Variants in PSD3 observed in about 807,000 individuals in gnomAD.
PSD3 encodes the protein PH and SEC7 domain-containing protein 3.
Under a neutral mutation model 105.5 loss-of-function variants are expected in PSD3, and 49 were observed. The ratio of observed to expected loss-of-function variants is 0.46; its 90% confidence interval spans 0.37 to 0.59. The LOEUF is 0.59. Among genes scored for constraint, PSD3 ranks in the 20% least tolerant of loss-of-function variants. The probability of loss-of-function intolerance (pLI) is 0.00; values close to 1 mark genes in which losing one functional copy is unlikely to be tolerated. For missense variants in PSD3, 1,561 were observed against 1,263.8 expected (o/e 1.24, Z -3.57); for synonymous variants, 557 against 457.8 (o/e 1.22, Z -2.77).
intron 1 of PSD3, among the ~76,000 whole-genome samples, chr8:19,067,136 C>G (rs1248872279): frequency 2.0e-5 from 3 of 152,300 alleles, no homozygotes; most frequent in Admixed American, 6.5e-5. Context: ...AAAAATTGAT[C>G]AGTTTGCGGG....
At chr8:18,571,105 C>T (rs1280883026) in intron 14 of PSD3, among the ~76,000 whole-genome samples, 3 of 152,070 alleles carry the variant, frequency 2.0e-5, no homozygotes, top group African/African-American at 7.2e-5. Flanking sequence ...AGGTGATCTG[C>T]CCACCTCGGC....
intron 4 of PSD3, among the ~76,000 whole-genome samples, chr8:18,834,060 A>T (rs534678642): frequency 6.6e-6 from 1 of 150,874 alleles, no homozygotes; most frequent in Non-Finnish European, 1.5e-5. Flanking sequence ...AGTGAATTAC[A>T]GTTAAATAAA....
chr8:18,764,808 C>T (rs1046712852), intron 9 of PSD3, among the ~76,000 whole-genome samples: 2 of 152,150 alleles, frequency 1.3e-5, no homozygotes, highest in Admixed American at 6.5e-5. Context: ...CAATCTTACC[C>T]TACAACCCCC....
intron 2 of PSD3, among the ~76,000 whole-genome samples, chr8:18,928,450 TA>T (rs1821517618): frequency 6.6e-6 from 1 of 152,220 alleles, no homozygotes; most frequent in African/African-American, 2.4e-5. Context: ...GAGAACAGAC[TA>T]ATGTATTAAA....
At chr8:18,925,790 C>T (rs1223331255) in intron 2 of PSD3, among the ~76,000 whole-genome samples, 8 of 152,156 alleles carry the variant, frequency 5.3e-5, no homozygotes, top group Admixed American at 5.2e-4. Flanking sequence ...TTTAAAAAGC[C>T]ATCCAGCAGA....
chr8:18,709,084 C>A (rs1259943420), intron 9 of PSD3, among the ~76,000 whole-genome samples: 1 of 152,164 alleles, frequency 6.6e-6, no homozygotes, highest in Non-Finnish European at 1.5e-5. Flanking sequence ...CGGTAGCAGG[C>A]TGGAGACTAA....
chr8:19,063,087 TCTAA>T (rs1457199845), intron 1 of PSD3, among the ~76,000 whole-genome samples: 3 of 152,222 alleles, frequency 2.0e-5, no homozygotes, highest in Non-Finnish European at 4.4e-5. Context: ...AGCACTAGTT[TCTAA>T]CTGTTATTTC....
chr8:19,015,261 GCTC>G (rs1175847750), upstream of PSD3, among the ~76,000 whole-genome samples: 1 of 152,180 alleles, frequency 6.6e-6, no homozygotes, highest in East Asian at 1.9e-4. Context: ...GATGTGACAT[GCTC>G]CTCCTTGCTT....
chr8:19,032,908 GT>G (rs928705870), intron 1 of PSD3, among the ~76,000 whole-genome samples: 1 of 152,024 alleles, frequency 6.6e-6, no homozygotes, highest in African/African-American at 2.4e-5. Flanking sequence ...GGTCAAAAAA[GT>G]TTTATTTGAG....
intron 2 of PSD3, among the ~76,000 whole-genome samples, chr8:18,928,669 TTTC>T (rs1821533129): frequency 6.6e-6 from 1 of 152,104 alleles, no homozygotes; most frequent in African/African-American, 2.4e-5. Context: ...TCTCTCTCTC[TTTC>T]TTCCTTCCTT....
intron 2 of PSD3, among the ~76,000 whole-genome samples, chr8:18,885,197 T>C (rs1056280726): frequency 1.3e-5 from 2 of 152,232 alleles, no homozygotes; most frequent in African/African-American, 2.4e-5. Context: ...TCATCCATTC[T>C]GTCCACTTTC....
intron 4 of PSD3, among the ~76,000 whole-genome samples, chr8:18,863,290 G>A (rs73666741): frequency 0.035 from 5,331 of 152,250 alleles, 329 homozygotes; most frequent in African/African-American, 0.12. Flanking sequence ...AAGCCGGCGA[G>A]CGAGAAGCAC....
At chr8:18,923,033 C>T (rs1279385690) in intron 2 of PSD3, among the ~76,000 whole-genome samples, 1 of 152,180 alleles carries the variant, frequency 6.6e-6, no homozygotes, top group African/African-American at 2.4e-5. Context: ...TTTCCTTAAA[C>T]TTCACCCCTC....
intron 9 of PSD3, among the ~76,000 whole-genome samples, chr8:18,708,547 G>A (rs561625624): frequency 9.9e-5 from 15 of 152,094 alleles, no homozygotes; most frequent in Admixed American, 6.5e-4. Flanking sequence ...CTGTCTCTCC[G>A]TGTTTTTCCA....
intron 4 of PSD3, among the ~76,000 whole-genome samples, chr8:18,847,848 A>AT (rs929278295): frequency 2.6e-5 from 4 of 152,234 alleles, no homozygotes; most frequent in Admixed American, 1.3e-4. Context: ...CCATAGCAGC[A>AT]TAACAACTTA....
intron 9 of PSD3, among the ~76,000 whole-genome samples, chr8:18,676,021 G>A (rs1341488900): frequency 6.6e-6 from 1 of 152,030 alleles, no homozygotes; most frequent in Non-Finnish European, 1.5e-5. Context: ...TCAACTTCAG[G>A]TTATCATGAT....
chr8:18,681,160 C>G (rs750807559), intron 9 of PSD3, among the ~76,000 whole-genome samples: 11 of 152,090 alleles, frequency 7.2e-5, no homozygotes, highest in African/African-American at 2.4e-4. Context: ...GAGCGAACCA[C>G]GAGTTAATGG....
intron 9 of PSD3, among the ~76,000 whole-genome samples, chr8:18,755,063 AT>A (rs1805904165): frequency 6.6e-6 from 1 of 152,126 alleles, no homozygotes; most frequent in Non-Finnish European, 1.5e-5. Context: ...GACCAGTTAC[AT>A]TCATATCAAT....
At chr8:18,875,620 T>C (rs1415355050) in intron 2 of PSD3, among the ~76,000 whole-genome samples, 1 of 151,766 alleles carries the variant, frequency 6.6e-6, no homozygotes, top group African/African-American at 2.4e-5. Flanking sequence ...CACTGCAAGC[T>C]CCGCCTCCTG....
Sources: allele counts gnomAD v4.1 joint callset (sites outside exome capture counted in the v4.1 genomes callset), GRCh38; gene constraint gnomAD v4.1.1; transcripts MANE v1.5; gene names NCBI Gene and HGNC (gene_info 2026-07-23, HGNC 2026-07-21).